Variants in HDAC9 observed in about 807,000 individuals in gnomAD.
The protein encoded by HDAC9 is histone deacetylase 9, also known as MEF-2 interacting transcription repressor (MITR) protein.
A neutral mutation model predicts 139.4 loss-of-function variants in HDAC9; 41 were observed. The observed-to-expected ratio is 0.29, with a 90% CI of 0.23 to 0.38. HDAC9 has a LOEUF of 0.38. Ranked by LOEUF, HDAC9 falls within the 10% of genes least tolerant of loss-of-function variation. The pLI is 1.00. For synonymous variants in HDAC9, 517 were observed against 476.2 expected (o/e 1.09, Z -1.12); for missense variants, 1,147 against 1,297.0 (o/e 0.88, Z 1.78).
intron 2 of HDAC9, among the ~76,000 whole-genome samples, chr7:18,207,539 C>CTTTTTTTCTTTTTTTTTTT (rs1791616319): frequency 1.9e-5 from 1 of 53,730 alleles, no homozygotes. Flanking sequence ...CCCAAGGAGT[C>CTTTTTTTCTTTTTTTTTTT]TTTTTTTTTT....
At position 18,647,862 on chromosome 7, in the gene HDAC9, T is replaced by C. The variant is rs758563803; in HGVS notation, c.1113T>C (p.Tyr371=). The C allele has an allele frequency of 1.2e-6, 2 of 1,612,640 alleles. No homozygotes were observed. Among genetic ancestry groups the C allele is most frequent in the East Asian group, 4.5e-5 (2 of 44,628 alleles). Residue 371 remains tyrosine (Y), a synonymous_variant, in exon 10 of 26, where the codon TAT becomes TAC. Coordinates refer to ENST00000686413, the MANE Select transcript of HDAC9 (RefSeq NM_178425.4). ...LRQGVPLPGQ[Y]GGSIPASSSH... is the part of the protein sequence containing the mutation. ...AAGGTGTTCCTCTGCCTGGGCAGTA[T>C]GGAGGCAGCATCCCGGCATCTTCCA... is the stretch of plus-strand genomic sequence containing the variant.
intron 22 of HDAC9, among the ~76,000 whole-genome samples, chr7:18,928,600 A>G (rs1057091035): frequency 6.6e-6 from 1 of 152,230 alleles, no homozygotes; most frequent in African/African-American, 2.4e-5. Flanking sequence ...ATCTAAAAAC[A>G]GAATTGCTTG....
intron 17 of HDAC9, among the ~76,000 whole-genome samples, chr7:18,794,044 G>A (rs754289608): frequency 1.3e-5 from 2 of 152,148 alleles, no homozygotes; most frequent in African/African-American, 2.4e-5. Context: ...AAACCCCAGC[G>A]TTTCCCAGTC....
chr7:18,730,378 T>C (rs528137057), intron 13 of HDAC9, among the ~76,000 whole-genome samples: 1 of 152,356 alleles, frequency 6.6e-6, no homozygotes, highest in African/African-American at 2.4e-5. Context: ...AAGGTTTTCA[T>C]TCTAGTATGA....
intron 12 of HDAC9, among the ~76,000 whole-genome samples, chr7:18,717,348 G>A (rs908605345): frequency 2.6e-5 from 4 of 151,742 alleles, no homozygotes; most frequent in South Asian, 2.1e-4. Context: ...ATCCTCACAC[G>A]TTTGTTAAAG....
intron 6 of HDAC9, among the ~76,000 whole-genome samples, chr7:18,619,072 A>T (rs1402151687): frequency 6.6e-6 from 1 of 152,156 alleles, no homozygotes; most frequent in Non-Finnish European, 1.5e-5. Flanking sequence ...TCTTAGGTAA[A>T]TAAAATATAT....
chr7:18,276,638 G>A (rs1217314487), intron 2 of HDAC9, among the ~76,000 whole-genome samples: 2 of 152,122 alleles, frequency 1.3e-5, no homozygotes, highest in Non-Finnish European at 2.9e-5. Flanking sequence ...GAGGGCATAG[G>A]CTTTAATAAG....
chr7:18,665,393 T>C (rs1368934260), intron 11 of HDAC9, among the ~76,000 whole-genome samples: 1 of 152,174 alleles, frequency 6.6e-6, no homozygotes, highest in Non-Finnish European at 1.5e-5. Context: ...TGAGCTTTCA[T>C]GTTATGATAT....
chr7:18,567,236 A>G (rs566087306), intron 2 of HDAC9, among the ~76,000 whole-genome samples: 5 of 152,146 alleles, frequency 3.3e-5, no homozygotes, highest in East Asian at 1.9e-4. Flanking sequence ...TTGAATTTCT[A>G]TGTTGAACTA....
At chr7:18,510,308 C>G (rs1436377354) in intron 2 of HDAC9, among the ~76,000 whole-genome samples, 1 of 152,108 alleles carries the variant, frequency 6.6e-6, no homozygotes, top group African/African-American at 2.4e-5. Flanking sequence ...GGATATGTGT[C>G]TGCATTCAAA....
At chr7:18,575,010 A>C (rs1038798362) in intron 2 of HDAC9, among the ~76,000 whole-genome samples, 1 of 152,196 alleles carries the variant, frequency 6.6e-6, no homozygotes, top group Non-Finnish European at 1.5e-5. Flanking sequence ...TGCGGGCTCC[A>C]TGGAGTGGGC....
intron 21 of HDAC9, among the ~76,000 whole-genome samples, chr7:18,839,126 A>G (rs1420669843): frequency 6.6e-6 from 1 of 152,108 alleles, no homozygotes; most frequent in Non-Finnish European, 1.5e-5. Flanking sequence ...AATATTCAGT[A>G]TCAAATATCT....
chr7:18,160,305 G>A (rs1787537016), intron 1 of HDAC9, among the ~76,000 whole-genome samples: 2 of 152,172 alleles, frequency 1.3e-5, no homozygotes, highest in Admixed American at 6.5e-5. Flanking sequence ...AATCAAGAAT[G>A]TATCAAGAGC....
At chr7:18,098,760 A>C (rs1782666016) in intron 1 of HDAC9, among the ~76,000 whole-genome samples, 1 of 152,158 alleles carries the variant, frequency 6.6e-6, no homozygotes, top group Admixed American at 6.5e-5. Flanking sequence ...ACAGCTGCTC[A>C]TTGAGTGGAC....
At chr7:18,137,133 G>A (rs1226850895) in intron 1 of HDAC9, among the ~76,000 whole-genome samples, 44 of 145,810 alleles carry the variant, frequency 3.0e-4, no homozygotes, top group African/African-American at 1.1e-3. Context: ...AGGAATGCTT[G>A]TGATTTTTGT....
intron 25 of HDAC9, among the ~76,000 whole-genome samples, chr7:18,995,308 A>AATTT (rs1281954073): frequency 6.6e-6 from 1 of 152,186 alleles, no homozygotes; most frequent in East Asian, 1.9e-4. Flanking sequence ...TTCCTCCTAC[A>AATTT]ATTTATTCTT....
chr7:18,468,447 A>G (rs1052250590), intron 1 of HDAC9, among the ~76,000 whole-genome samples: 1 of 150,442 alleles, frequency 6.6e-6, no homozygotes, highest in African/African-American at 2.4e-5. Flanking sequence ...TTTTTTTTTT[A>G]AGAGAGGGGT....
At chr7:18,202,278 A>G (rs754127782) in intron 2 of HDAC9, among the ~76,000 whole-genome samples, 2 of 152,110 alleles carry the variant, frequency 1.3e-5, no homozygotes, top group Admixed American at 1.3e-4. Context: ...TTTGTTCCAG[A>G]TATTTTTCCA....
intron 24 of HDAC9, among the ~76,000 whole-genome samples, chr7:18,971,739 G>A (rs1784254951): frequency 1.3e-5 from 2 of 152,138 alleles, no homozygotes; most frequent in African/African-American, 2.4e-5. Flanking sequence ...AAAGTTTTGG[G>A]TTATTTCTGA....
Sources: gnomAD v4.1 joint callset for allele counts (sites outside exome capture counted in the v4.1 genomes callset) on GRCh38, gnomAD v4.1.1 for gene constraint, MANE v1.5 for transcripts, NCBI Gene and HGNC (gene_info 2026-07-23, HGNC 2026-07-21) for gene names.